The following ABCA8 variants were observed in gnomAD, a reference collection of about 807,000 sequenced individuals.
The protein encoded by ABCA8 is ABC-type organic anion transporter ABCA8.
A neutral mutation model predicts 192.3 loss-of-function variants in ABCA8; 177 were observed. The ratio of observed to expected loss-of-function variants is 0.92; its 90% CI spans 0.81 to 1.04. The LOEUF (loss-of-function observed/expected upper bound fraction) is 1.04, where lower values mean the gene tolerates loss of function less well. ABCA8 is among the 50% of genes least tolerant of loss of function. The pLI is 0.00. For synonymous variants in ABCA8, 642 were observed against 690.2 expected (o/e 0.93, Z 1.09); for missense variants, 1,915 against 1,904.8 (o/e 1.01, Z -0.10).
chr17:68,900,886 A>C (rs12451990), intron 21 of ABCA8, among the ~76,000 whole-genome samples: 62,797 of 151,968 alleles, frequency 0.41, 13,694 homozygotes, highest in East Asian at 0.58. Context: ...AAAACAAAAA[A>C]AAACTAGAAA....
chr17:68,931,216 C>T (rs966088770), intron 7 of ABCA8, among the ~76,000 whole-genome samples: 1 of 152,222 alleles, frequency 6.6e-6, no homozygotes, highest in Non-Finnish European at 1.5e-5. Context: ...ATTACACCTT[C>T]TTCACAATCA....
chr17:68,868,304 C>T lies in ABCA8; in HGVS notation c.4764G>A (p.Glu1588=). The part of the protein sequence containing the change: ...EEYSLSQSTL[E]QVFLELSKEQ... ...CGAATCCCTAAAAATGACCCACCTG[C>T]TCCAGGGTAGACTGTGAGAGGCTGT... The change falls in exon 39 of 40, where the codon GAG becomes GAA. Residue 1588 remains glutamate (E), a synonymous_variant. Coordinates refer to ENST00000586539, the MANE Select transcript of ABCA8 (RefSeq NM_001288985.2). The T allele has an allele frequency of 6.2e-7, 1 of 1,613,716 alleles. No individual in the cohort carries two copies. The highest frequency in any genetic ancestry group is 8.5e-7 in the Non-Finnish European group (1 of 1,179,702).
At chr17:68,915,780 A>G (rs941910244) in intron 17 of ABCA8, among the ~76,000 whole-genome samples, 4 of 152,174 alleles carry the variant, frequency 2.6e-5, no homozygotes, top group African/African-American at 9.7e-5. Flanking sequence ...CTAGGTATAT[A>G]CCCCAAAGAA....
chr17:68,912,787 C>A (rs2067254910), intron 17 of ABCA8, among the ~76,000 whole-genome samples: 1 of 151,910 alleles, frequency 6.6e-6, no homozygotes, highest in African/African-American at 2.4e-5. Flanking sequence ...GAGAGAGAGA[C>A]CCAATACAAT....
Position 68,881,957 on chromosome 17 carries a change from A to C in ABCA8, c.3852T>G (p.Cys1284Trp), listed in dbSNP as rs536699000. ...TCTTCCCTGCATACTCCTTGCGTAG[A>C]CAGCTGGCAATGATGACTGGCTTCT... ...FDEKPVIIAS[C>W]LRKEYAGKRK... Residue 1284 changes from cysteine to tryptophan, a missense_variant, in exon 31 of 40, where the codon TGT (cysteine) becomes TGG (tryptophan). Physicochemically the swap from Cys to Trp is radical, Grantham distance 215 (BLOSUM62 -2). Transcript: ENST00000586539. The C allele has an allele frequency of 6.2e-7, 1 of 1,613,956 alleles. No individual in the cohort carries two copies. Among genetic ancestry groups the C allele is most frequent in the Admixed American group, 1.7e-5 (1 of 60,010 alleles).
rs545730322 is a variant in ABCA8 at position 68,949,411 on chromosome 17, C to T, written c.-105G>A. 3.3e-5 allele frequency: 5 copies of T among 152,118 alleles called. No homozygotes were observed. The highest frequency in any genetic ancestry group is 2.1e-4 in the South Asian group (1 of 4,816). 9.4% of individuals were successfully genotyped at this position (152,118 alleles called of 1,614,324 possible). A position where few individuals can be genotyped will look rare whatever the true frequency, so the allele number is the denominator to read the frequency against. Reference sequence around the variant, plus strand: ...TCCTTCTGAAACAATTCCAAACAGTCGAAAAAGAGGGACTCCTCTCTAACT... The same window carrying T: ...TCCTTCTGAAACAATTCCAAACAGTTGAAAAAGAGGGACTCCTCTCTAACT... On this transcript the variant is annotated 5_prime_UTR_variant, in exon 2 of 40. Transcript: ENST00000586539.
Position 68,874,280 on chromosome 17 carries a change from A to C in ABCA8, c.4631+980T>G, listed in dbSNP as rs1412004834. The stretch of plus-strand genomic sequence containing the variant: ...GGGTAGAAATCTAGATATATTTCCC[A>C]CAAGTCACATATCTCTCCTTCTCCT... On this transcript the variant is annotated intron_variant, in intron 37 of 39. Transcript: ENST00000586539. Among the ~76,000 whole-genome samples, 3 of 152,222 alleles carry C rather than the reference A, an allele frequency of 2.0e-5. No homozygotes were observed. In the South Asian group the frequency reaches 6.2e-4, roughly 32 times the overall value.
chr17:68,881,523 C>G (rs4968967), intron 31 of ABCA8, among the ~76,000 whole-genome samples: 122,647 of 152,250 alleles, frequency 0.81, 49,797 homozygotes, highest in East Asian at 0.99. Context: ...TCATCTAACA[C>G]TTGCTGGCCA....
At chr17:68,891,658 A>G in intron 23 of ABCA8, 62 bp from the exon 24 acceptor site, 1 of 1,292,112 alleles carries the variant, frequency 7.7e-7, no homozygotes, top group Non-Finnish European at 1.1e-6. Context: ...TTTCTGGAAT[A>G]CATTTTTAAA....
At chr17:68,886,790 C>T (rs2066472061) in intron 26 of ABCA8, 2 of 261,982 alleles carry the variant, frequency 7.6e-6, no homozygotes, top group Non-Finnish European at 1.4e-5. Context: ...AAATTATACA[C>T]GTTTCCTCCT....
intron 24 of ABCA8, among the ~76,000 whole-genome samples, chr17:68,889,727 C>T (rs138353973): frequency 1.3e-5 from 2 of 152,198 alleles, no homozygotes; most frequent in African/African-American, 2.4e-5. Context: ...CCCCACACCC[C>T]GAGCCTGCCT....
chr17:68,952,916 G>A lies in ABCA8; in HGVS notation c.-167+2303C>T, dbSNP rs115528932. On this transcript the variant is annotated intron_variant, in intron 1 of 39. Transcript: ENST00000586539. ...GTTTCTGGGTATGTCTGTATATGGG[G>A]GGTGATTTTGTAGGGGAATTTATAC... 3.1e-3 allele frequency among the ~76,000 whole-genome samples: 479 copies of A among 152,232 alleles called. 2 individuals are homozygous for A. Among genetic ancestry groups the A allele is most frequent in the African/African-American group, 0.011 (465 of 41,494 alleles).
chr17:68,907,890 G>GAAAAAA lies in ABCA8; in HGVS notation c.2139-17_2139-12dup. 2 of 1,317,094 alleles carry GAAAAAA rather than the reference G, an allele frequency of 1.5e-6. No individual in the cohort carries two copies. Among genetic ancestry groups the GAAAAAA allele is most frequent in the South Asian group, 1.6e-5 (1 of 62,152 alleles). 81.6% of individuals were successfully genotyped at this position (1,317,094 alleles called of 1,614,324 possible). Reference sequence around the variant, plus strand: ...TCATTTAACTGCAAGCTGGCATTCAGAAAAAAAAAAAAAGACATATGTTAC... The same window carrying GAAAAAA: ...TCATTTAACTGCAAGCTGGCATTCAGAAAAAAAAAAAAAAAAAAAGACATATGTTAC... On this transcript the variant is annotated splice_polypyrimidine_tract_variant and intron_variant, in intron 17 of 39. Coordinates refer to ENST00000586539, the MANE Select transcript of ABCA8 (RefSeq NM_001288985.2).
intron 19 of ABCA8, among the ~76,000 whole-genome samples, chr17:68,903,745 G>A (rs2066978299): frequency 6.6e-6 from 1 of 152,150 alleles, no homozygotes; most frequent in Admixed American, 6.5e-5. Flanking sequence ...AATAGGCAAG[G>A]TCATCACAGT....
chr17:68,877,536 A>G lies in ABCA8; in HGVS notation c.4182T>C (p.Ala1394=), dbSNP rs773834398. ...CTGTGTACCGTGTGATGGCAACCTC[A>G]GCATCCCCTTTCCTCAGCCCTTTCA... ...AAVKGLRKGD[A]EVAITRLVDA... The change falls in exon 33 of 40, where the codon GCT becomes GCC. Residue 1394 remains alanine (A), a synonymous_variant. Coordinates refer to ENST00000586539, the MANE Select transcript of ABCA8 (RefSeq NM_001288985.2). The G allele has an allele frequency of 1.2e-6, 2 of 1,613,596 alleles. No homozygotes were observed. Among genetic ancestry groups the G allele is most frequent in the Non-Finnish European group, 1.7e-6 (2 of 1,179,796 alleles).
rs371385949 is a variant in ABCA8, at chr17:68,890,900, C to T, written c.3144+589G>A. 5.9e-5 allele frequency among the ~76,000 whole-genome samples: 9 copies of T among 152,258 alleles called. No individual in the cohort carries two copies. The East Asian group carries it at 7.7e-4, about 13-fold the overall frequency. The stretch of plus-strand genomic sequence containing the variant: ...GTTCAAGTTATCTTTTTTAAAATAG[C>T]ATATGCTTCTTCTTCCCCATCTGAA... On this transcript the variant is annotated intron_variant, in intron 24 of 39. Coordinates refer to ENST00000586539, the MANE Select transcript of ABCA8 (RefSeq NM_001288985.2).
intron 2 of ABCA8, among the ~76,000 whole-genome samples, chr17:68,944,359 T>TATATATATATATACATAC (rs765731645): frequency 2.9e-5 from 2 of 69,478 alleles, no homozygotes; most frequent in African/African-American, 1.1e-4. Flanking sequence ...TATATATATA[T>TATATATATATATACATAC]ACACATATAC....
intron 15 of ABCA8, 72 bp downstream of exon 15, chr17:68,918,350 GAATAA>G (rs2067438442): frequency 4.6e-6 from 7 of 1,511,558 alleles, no homozygotes; most frequent in Non-Finnish European, 6.2e-6. Context: ...TGTCCTTTGC[GAATAA>G]AATATTTGAA....
rs559462630 is a variant in ABCA8 at position 68,904,219 on chromosome 17, T to C, written c.2399-720A>G. Among the ~76,000 whole-genome samples, 290 of 151,250 alleles carry C rather than the reference T, an allele frequency of 1.9e-3. 1 individual carries two copies. The highest frequency in any genetic ancestry group is 0.014 in the Middle Eastern group (4 of 292). ...ATGGCGTGAACCCGGGAGGCAGAGC[T>C]TGCAGTGAGCCGAGATCGTGCCACT... On this transcript the variant is annotated intron_variant, in intron 19 of 39. Coordinates refer to ENST00000586539, the MANE Select transcript of ABCA8 (RefSeq NM_001288985.2).
Sources: gnomAD v4.1 joint callset for allele counts (sites outside exome capture counted in the v4.1 genomes callset) on GRCh38, gnomAD v4.1.1 for gene constraint, MANE v1.5 for transcripts, NCBI Gene and HGNC (gene_info 2026-07-23, HGNC 2026-07-21) for gene names.